GUCY2C: variants seen among roughly 807,000 people sequenced by gnomAD.
GUCY2C encodes guanylate cyclase 2C.
A neutral mutation model predicts 131.1 loss-of-function variants in GUCY2C; 118 were observed. That is an observed-to-expected ratio of 0.90 (90% CI 0.78 to 1.05). GUCY2C has a LOEUF of 1.05. Ranked by LOEUF, GUCY2C falls within the 50% of genes least tolerant of loss-of-function variation. GUCY2C has a pLI of 0.00. For missense variants in GUCY2C, 1,161 were observed against 1,304.4 expected, an observed-to-expected ratio of 0.89 and a Z score of 1.69; for synonymous variants, 452 against 457.8, an observed-to-expected ratio of 0.99 and a Z score of 0.16.
intron 8 of GUCY2C, 61 bp from the exon 9 acceptor site, chr12:14,673,019 G>A (rs1180681557): frequency 2.0e-5 from 18 of 920,806 alleles, no homozygotes; most frequent in Middle Eastern, 4.2e-4. Flanking sequence ...AGATAAGTTG[G>A]ATCATGACAG....
chr12:14,621,371 C>A (rs907408470), intron 22 of GUCY2C, among the ~76,000 whole-genome samples, 155 bp from the exon 23 acceptor site: 2 of 152,114 alleles, frequency 1.3e-5, no homozygotes, highest in South Asian at 2.1e-4. Flanking sequence ...TGGATCAGTT[C>A]TATGCTGATT....
intron 19 of GUCY2C, among the ~76,000 whole-genome samples, chr12:14,635,806 A>G (rs768462787): frequency 6.6e-6 from 1 of 152,198 alleles, no homozygotes; most frequent in Non-Finnish European, 1.5e-5. Flanking sequence ...GTGAAAGATT[A>G]TCAGAGACTA....
chr12:14,651,958 C>A lies in GUCY2C; in HGVS notation c.1605+1G>T, dbSNP rs374066909. The stretch of plus-strand genomic sequence containing the variant: ...AAGGGTTTGAAGTAAGGGCTACATA[C>A]CTTGTTCAATTCTATCTTCTGTTTT... On this transcript the variant is annotated splice_donor_variant, in intron 14 of 26. Transcript: ENST00000261170. LOFTEE classifies it high-confidence loss of function. 6.5e-7 allele frequency: 1 copy of A among 1,527,780 alleles called. No homozygotes were observed. The allele number at this position is 1,527,780 out of a possible 1,614,324, so 94.6% of individuals were successfully genotyped here. A position where few individuals can be genotyped will look rare whatever the true frequency, so the allele number is the denominator to read the frequency against.
intron 19 of GUCY2C, among the ~76,000 whole-genome samples, chr12:14,629,213 G>A (rs1423793302): frequency 6.6e-6 from 1 of 151,888 alleles, no homozygotes; most frequent in African/African-American, 2.4e-5. Context: ...ACAAAATAAC[G>A]AAGGAATTCT....
At chr12:14,620,593 G>T (rs1017649421) in intron 23 of GUCY2C, among the ~76,000 whole-genome samples, 6 of 152,158 alleles carry the variant, frequency 3.9e-5, no homozygotes, top group Admixed American at 6.5e-5. Context: ...GCAGTGGCAG[G>T]GAAGGGAGGG....
intron 26 of GUCY2C, among the ~76,000 whole-genome samples, chr12:14,614,069 A>T (rs974037481): frequency 1.3e-5 from 2 of 152,136 alleles, no homozygotes; most frequent in Non-Finnish European, 2.9e-5. Context: ...CAGAAAGATG[A>T]AGACAGGAGT....
At chr12:14,650,973 C>T (rs1380421461) in intron 15 of GUCY2C, among the ~76,000 whole-genome samples, 1 of 152,016 alleles carries the variant, frequency 6.6e-6, no homozygotes, top group Non-Finnish European at 1.5e-5. Flanking sequence ...AATACCTGAC[C>T]TCATCTGGCA....
At chr12:14,638,245 G>A (rs1330072853) in intron 19 of GUCY2C, among the ~76,000 whole-genome samples, 1 of 152,116 alleles carries the variant, frequency 6.6e-6, no homozygotes, top group Non-Finnish European at 1.5e-5. Flanking sequence ...CAGAGAAAAG[G>A]GAACCCTTAC....
At chr12:14,674,491 G>A (rs1948183772) in intron 8 of GUCY2C, 134 bp downstream of exon 8, 1 of 832,858 alleles carries the variant, frequency 1.2e-6, no homozygotes, top group Non-Finnish European at 2.1e-6. Flanking sequence ...ATGTAATGAT[G>A]TTTGCATCCA....
In GUCY2C at chr12:14,659,577, T is replaced by G. The variant is rs141579204; in HGVS notation, c.1364+1404A>C. Among the ~76,000 whole-genome samples the G allele has an allele frequency of 4.7e-4, 71 of 152,304 alleles. No individual in the cohort carries two copies. In the East Asian group the frequency reaches 0.013, roughly 29 times the overall value. On this transcript the variant is annotated intron_variant, in intron 11 of 26. Transcript: ENST00000261170. ...GTATGCTTCCATCTAAGTCTGAGTA[T>G]TCTTCAAGTAAATGCATGTAAAATA... is the stretch of plus-strand genomic sequence containing the variant.
chr12:14,671,458 T>G (rs1948108967), intron 9 of GUCY2C, among the ~76,000 whole-genome samples: 1 of 152,166 alleles, frequency 6.6e-6, no homozygotes, highest in African/African-American at 2.4e-5. Context: ...TTTTCATAAC[T>G]TTACTCTTTC....
chr12:14,626,741 T>G (rs1374811334), intron 20 of GUCY2C, among the ~76,000 whole-genome samples: 3 of 152,230 alleles, frequency 2.0e-5, no homozygotes, highest in Non-Finnish European at 4.4e-5. Context: ...TCCCTCTGTA[T>G]TATTAAGCGA....
At chr12:14,672,392 C>G (rs1218386355) in intron 9 of GUCY2C, 1 of 152,238 alleles carries the variant, frequency 6.6e-6, no homozygotes, top group Non-Finnish European at 1.5e-5. Flanking sequence ...TGAATAAAAG[C>G]ATAGCATTAC....
intron 1 of GUCY2C, among the ~76,000 whole-genome samples, chr12:14,692,829 A>G (rs1343276498): frequency 3.9e-5 from 6 of 152,214 alleles, no homozygotes; most frequent in Non-Finnish European, 8.8e-5. Flanking sequence ...AGCCTGGGCA[A>G]CAAGAACGAT....
At chr12:14,624,366 A>C (rs554345760) in intron 21 of GUCY2C, among the ~76,000 whole-genome samples, 24 of 152,246 alleles carry the variant, frequency 1.6e-4, no homozygotes, top group African/African-American at 5.8e-4. Flanking sequence ...GCTTGAACCC[A>C]GGAGGCAGAG....
intron 11 of GUCY2C, 85 bp downstream of exon 11, chr12:14,660,896 C>A (rs1376589195): frequency 1.1e-5 from 9 of 836,538 alleles, no homozygotes; most frequent in Non-Finnish European, 1.8e-5. Flanking sequence ...GAATATTCAT[C>A]ATCATCAACA....
rs766954517 is a variant in GUCY2C at position 14,688,005 on chromosome 12, T to C, written c.276A>G (p.Ser92=). 17 of 1,613,718 alleles carry C rather than the reference T, an allele frequency of 1.1e-5. No individual in the cohort carries two copies. The highest frequency in any genetic ancestry group is 2.7e-5 in the African/African-American group (2 of 74,926). Residue 92 remains serine, a synonymous_variant, in exon 2 of 27, where the codon TCA becomes TCG. Coordinates refer to ENST00000261170, the MANE Select transcript of GUCY2C (RefSeq NM_004963.4). ...CACAGGTGCTACTCCGGCAGTCGCCTGAGTTATGAATCAGACCATCCGAAT... is the reference window on the plus strand; with the variant it reads ...CACAGGTGCTACTCCGGCAGTCGCCCGAGTTATGAATCAGACCATCCGAAT... ...FMYSDGLIHN[S]GDCRSSTCEG...
intron 12 of GUCY2C, 152 bp downstream of exon 12, chr12:14,656,360 G>A (rs1316458980): frequency 3.5e-6 from 2 of 578,196 alleles, no homozygotes; most frequent in Non-Finnish European, 6.3e-6. Context: ...GGAGAATCAA[G>A]GGGAAGGGAG....
At chr12:14,695,839 G>A (rs1948646239) in intron 1 of GUCY2C, among the ~76,000 whole-genome samples, 1 of 151,936 alleles carries the variant, frequency 6.6e-6, no homozygotes, top group Non-Finnish European at 1.5e-5. Context: ...TTTTCTTTTT[G>A]AAGAGATGGA....
Sources: allele counts gnomAD v4.1 joint callset (sites outside exome capture counted in the v4.1 genomes callset), GRCh38; gene constraint gnomAD v4.1.1; transcripts MANE v1.5; gene names NCBI Gene and HGNC (gene_info 2026-07-23, HGNC 2026-07-21).